Variants in WWP2 observed in about 807,000 individuals in gnomAD.
The protein encoded by WWP2 is WW domain containing E3 ubiquitin protein ligase 2, also known as NEDD4-like E3 ubiquitin-protein ligase WWP2.
WWP2 carries 57 observed loss-of-function variants against 121.0 expected under a neutral mutation model. The ratio of observed to expected loss-of-function variants is 0.47; its 90% CI spans 0.38 to 0.59. WWP2 has a LOEUF of 0.59. WWP2 is among the 20% of genes least tolerant of loss of function. The pLI, the probability that WWP2 is intolerant of heterozygous loss-of-function variation, is 0.00. For synonymous variants in WWP2, 449 were observed against 441.3 expected (o/e 1.02, Z -0.22); for missense variants, 962 against 1,158.9 (o/e 0.83, Z 2.47).
chr16:69,933,804 A>T (rs1377250873), intron 16 of WWP2, among the ~76,000 whole-genome samples, 166 bp from the exon 17 acceptor site: 1 of 152,056 alleles, frequency 6.6e-6, no homozygotes, highest in Non-Finnish European at 1.5e-5. Flanking sequence ...CTGTTCACTG[A>T]CCAGCTGTTC....
intron 1 of WWP2, among the ~76,000 whole-genome samples, chr16:69,782,412 G>C (rs574364433): frequency 1.3e-5 from 2 of 152,306 alleles, no homozygotes; most frequent in East Asian, 3.9e-4. Flanking sequence ...AGGCTCAGGT[G>C]GGGCAGGAGG....
At chr16:69,810,640 C>G (rs8059162) in intron 4 of WWP2, among the ~76,000 whole-genome samples, 6,700 of 151,972 alleles carry the variant, frequency 0.044, 512 homozygotes, top group African/African-American at 0.15. Flanking sequence ...ACTGTGTTAG[C>G]CAGATAGTCT....
chr16:69,887,477 C>T (rs1379704236), intron 7 of WWP2, among the ~76,000 whole-genome samples: 1 of 152,130 alleles, frequency 6.6e-6, no homozygotes, highest in South Asian at 2.1e-4. Flanking sequence ...ATAGTCTTGG[C>T]TGACTGCAAA....
At chr16:69,840,438 T>G (rs2056957227) in intron 5 of WWP2, among the ~76,000 whole-genome samples, 175 bp downstream of exon 5, 1 of 152,204 alleles carries the variant, frequency 6.6e-6, no homozygotes, top group African/African-American at 2.4e-5. Context: ...ACAACATGAA[T>G]TTTCAAGGGT....
In WWP2 at chr16:69,940,467, C is replaced by T. The variant is rs2058865845; in HGVS notation, c.*527C>T. 1 of 154,156 alleles carries T rather than the reference C, an allele frequency of 6.5e-6. No homozygotes were observed. The highest frequency in any genetic ancestry group is 1.4e-5 in the Non-Finnish European group (1 of 69,266). The allele number at this position is 154,156 out of a possible 1,614,324, so 9.5% of individuals were successfully genotyped here. On this transcript the variant is annotated 3_prime_UTR_variant, in exon 24 of 24. Transcript: ENST00000359154. ...AGCGGGCCCTGGGGCGAGGCCATCTCTGCCTGCCTCCCTAGCAGGCGCCAG... is the reference window on the plus strand; with the variant it reads ...AGCGGGCCCTGGGGCGAGGCCATCTTTGCCTGCCTCCCTAGCAGGCGCCAG...
chr16:69,818,658 G>A (rs1252040634), intron 4 of WWP2, among the ~76,000 whole-genome samples: 1 of 152,022 alleles, frequency 6.6e-6, no homozygotes, highest in Non-Finnish European at 1.5e-5. Context: ...ACAATGAATC[G>A]ATCCTTCCTG....
chr16:69,923,351 C>T (rs1047051695), intron 10 of WWP2, among the ~76,000 whole-genome samples: 1 of 151,160 alleles, frequency 6.6e-6, no homozygotes. Flanking sequence ...GAATAACAAA[C>T]AGAGGATACC....
intron 9 of WWP2, chr16:69,909,100 C>T (rs562381855): frequency 1.7e-5 from 21 of 1,220,722 alleles, no homozygotes; most frequent in South Asian, 1.6e-4. Flanking sequence ...TGATGCATTC[C>T]GCCGTACCCT....
chr16:69,885,102 TAC>T (rs3051438), intron 7 of WWP2, among the ~76,000 whole-genome samples: 11,374 of 139,850 alleles, frequency 0.081, 654 homozygotes, highest in East Asian at 0.24. Context: ...AAACTCCTCC[TAC>T]ACACACACAC....
chr16:69,883,595 C>T (rs1337455606), intron 7 of WWP2, among the ~76,000 whole-genome samples: 7 of 152,012 alleles, frequency 4.6e-5, no homozygotes. Context: ...TTCCGGGGTA[C>T]GTGTACAGGA....
intron 11 of WWP2, among the ~76,000 whole-genome samples, chr16:69,928,385 G>A (rs1459459576): frequency 2.6e-5 from 4 of 151,924 alleles, no homozygotes; most frequent in Non-Finnish European, 5.9e-5. Context: ...TGTCTACCTG[G>A]AGCTGAGAGG....
At chr16:69,933,398 A>G (rs1021993654) in intron 16 of WWP2, among the ~76,000 whole-genome samples, 9 of 152,108 alleles carry the variant, frequency 5.9e-5, no homozygotes, top group Non-Finnish European at 1.3e-4. Flanking sequence ...AGGGAGGGCA[A>G]AGTGCAAGAG....
intron 6 of WWP2, among the ~76,000 whole-genome samples, chr16:69,856,677 G>A (rs893320381): frequency 7.9e-5 from 12 of 152,078 alleles, no homozygotes; most frequent in African/African-American, 2.9e-4. Context: ...GGGAGGCTGA[G>A]GCAGGAGGAT....
At chr16:69,832,982 A>T (rs116057237) in intron 4 of WWP2, among the ~76,000 whole-genome samples, 1,726 of 152,244 alleles carry the variant, frequency 0.011, 29 homozygotes, top group African/African-American at 0.039. Context: ...GCCTCCCATG[A>T]AGGTGGGACC....
At chr16:69,860,447 A>G (rs1386139489) in intron 6 of WWP2, among the ~76,000 whole-genome samples, 3 of 152,176 alleles carry the variant, frequency 2.0e-5, no homozygotes, top group Non-Finnish European at 2.9e-5. Flanking sequence ...AAAGGGAACA[A>G]TTAGGATGTT....
At chr16:69,871,309 AG>A (rs2057632280) in intron 6 of WWP2, among the ~76,000 whole-genome samples, 1 of 152,198 alleles carries the variant, frequency 6.6e-6, no homozygotes, top group Non-Finnish European at 1.5e-5. Flanking sequence ...AACAACAAAA[AG>A]TGTCAACATA....
At position 69,913,966 on chromosome 16, in the gene WWP2, C is replaced by T. The variant is rs139504560; in HGVS notation, c.1005-3743C>T. Among the ~76,000 whole-genome samples, 118 of 150,266 alleles carry T rather than the reference C, an allele frequency of 7.9e-4. 2 individuals carry two copies. The highest frequency in any genetic ancestry group is 2.3e-3 in the African/African-American group (94 of 40,992). On this transcript the variant is annotated intron_variant, in intron 9 of 23. Transcript: ENST00000359154. ...GCTTGCCTATAATCCCAGCTACTCG[C>T]GAGGCTGAGGAAGGAGAATCGCTTG...
intron 7 of WWP2, among the ~76,000 whole-genome samples, chr16:69,887,293 G>A (rs2057942506): frequency 6.6e-6 from 1 of 152,164 alleles, no homozygotes; most frequent in East Asian, 1.9e-4. Context: ...TCTTTAGTGT[G>A]TATGAGCTTT....
intron 9 of WWP2, among the ~76,000 whole-genome samples, chr16:69,910,926 C>A (rs573262603): frequency 6.6e-6 from 1 of 152,232 alleles, no homozygotes; most frequent in African/African-American, 2.4e-5. Flanking sequence ...ACCTGTACGC[C>A]CTGCATAGCT....
Sources: gnomAD v4.1 joint callset for allele counts (sites outside exome capture counted in the v4.1 genomes callset) on GRCh38, gnomAD v4.1.1 for gene constraint, MANE v1.5 for transcripts, NCBI Gene and HGNC (gene_info 2026-07-23, HGNC 2026-07-21) for gene names.